Variants in FANCC observed in about 807,000 individuals in gnomAD.
FANCC encodes the protein Fanconi anemia group C protein.
FANCC carries 55 observed loss-of-function variants against 71.3 expected under a neutral mutation model. That is an observed-to-expected ratio of 0.77 (90% CI 0.62 to 0.97). The LOEUF (loss-of-function observed/expected upper bound fraction) is 0.97, where lower values mean the gene tolerates loss of function less well. Among genes scored for constraint, FANCC ranks in the 50% least tolerant of loss-of-function variants. The pLI is 0.00. For synonymous variants in FANCC, 275 were observed against 244.9 expected, an observed-to-expected ratio of 1.12 and a Z score of -1.15; for missense variants, 678 against 670.9, an observed-to-expected ratio of 1.01 and a Z score of -0.12.
chr9:95,226,348 G>A (rs1829613581), intron 4 of FANCC, among the ~76,000 whole-genome samples: 1 of 152,208 alleles, frequency 6.6e-6, no homozygotes, highest in Admixed American at 6.5e-5. Flanking sequence ...TAGACAGGGG[G>A]TGAAAAGGAA....
In FANCC at chr9:95,291,947, C is replaced by CAAA. The variant is rs775436297; in HGVS notation, c.-79+25576_-79+25578dup. Among the ~76,000 whole-genome samples the CAAA allele has an allele frequency of 2.6e-3, 106 of 40,826 alleles. 2 individuals carry two copies. Among genetic ancestry groups the CAAA allele is most frequent in the African/African-American group, 3.8e-3 (37 of 9,646 alleles). The allele number at this position is 40,826 out of a possible 152,430, so 26.8% of individuals were successfully genotyped here. A position where few individuals can be genotyped will look rare whatever the true frequency, so the allele number is the denominator to read the frequency against. The stretch of plus-strand genomic sequence containing the variant: ...TAGGTGAGAGAGTGAGACTCTGTCT[C>CAAA]AAAAAAAAAAAAAAAAAAAAATATA... On this transcript the variant is annotated intron_variant, in intron 1 of 14. Coordinates refer to ENST00000289081, the MANE Select transcript of FANCC (RefSeq NM_000136.3).
intron 1 of FANCC, among the ~76,000 whole-genome samples, chr9:95,297,663 A>G (rs1394708656): frequency 1.3e-5 from 2 of 152,258 alleles, no homozygotes; most frequent in East Asian, 3.8e-4. Context: ...AACACCAAGC[A>G]TAACTTCTAC....
chr9:95,102,716 C>T (rs1335889670), intron 14 of FANCC, among the ~76,000 whole-genome samples: 2 of 152,222 alleles, frequency 1.3e-5, no homozygotes, highest in South Asian at 2.1e-4. Flanking sequence ...GCCTCAGGTC[C>T]GACAGCCCAG....
intron 4 of FANCC, among the ~76,000 whole-genome samples, chr9:95,222,424 A>G (rs992342527): frequency 6.6e-6 from 1 of 152,194 alleles, no homozygotes; most frequent in Non-Finnish European, 1.5e-5. Flanking sequence ...ATGAAATTAT[A>G]GAAAAGAAAA....
chr9:95,232,194 C>T (rs4647448), intron 4 of FANCC, among the ~76,000 whole-genome samples: 206 of 152,236 alleles, frequency 1.4e-3, no homozygotes, highest in East Asian at 9.5e-3. Context: ...AACTAGACCT[C>T]GCAAGAACTA....
intron 8 of FANCC, among the ~76,000 whole-genome samples, chr9:95,133,621 G>A (rs1348144632): frequency 6.6e-6 from 1 of 152,230 alleles, no homozygotes; most frequent in South Asian, 2.1e-4. Flanking sequence ...AAGGTTCAGG[G>A]AAGAATCCAA....
At chr9:95,135,641 G>C in intron 7 of FANCC, 139 bp from the exon 8 acceptor site, 1 of 697,816 alleles carries the variant, frequency 1.4e-6, no homozygotes, top group Non-Finnish European at 2.5e-6. Flanking sequence ...ATAATTTATA[G>C]AATCAGTGAA....
chr9:95,219,431 C>T (rs1564764335), intron 4 of FANCC, among the ~76,000 whole-genome samples: 1 of 152,118 alleles, frequency 6.6e-6, no homozygotes, highest in Non-Finnish European at 1.5e-5. Flanking sequence ...TCTTTCCCCA[C>T]ATGGAGCCAG....
chr9:95,298,113 T>G (rs1374788579), intron 1 of FANCC, among the ~76,000 whole-genome samples: 2 of 152,038 alleles, frequency 1.3e-5, no homozygotes, highest in Non-Finnish European at 2.9e-5. Context: ...GAAGACCATC[T>G]TACAGTAACT....
intron 12 of FANCC, chr9:95,114,339 A>G (rs1246427282): frequency 4.7e-6 from 2 of 423,202 alleles, no homozygotes; most frequent in African/African-American, 2.0e-5. Flanking sequence ...TCTTCTTTTT[A>G]TTGTTATGCC....
chr9:95,211,568 T>C (rs955432232), intron 4 of FANCC, among the ~76,000 whole-genome samples: 86 of 152,288 alleles, frequency 5.6e-4, no homozygotes, highest in African/African-American at 1.9e-3. Flanking sequence ...TTGGAAAGGA[T>C]AGACCTAATC....
intron 6 of FANCC, among the ~76,000 whole-genome samples, chr9:95,152,212 ACTG>A (rs1413082277): frequency 6.6e-6 from 1 of 152,158 alleles, no homozygotes; most frequent in Non-Finnish European, 1.5e-5. Flanking sequence ...TTGATCCCCT[ACTG>A]TAGTCAAGGC....
chr9:95,311,837 A>G (rs2136424125), intron 1 of FANCC, among the ~76,000 whole-genome samples: 1 of 152,268 alleles, frequency 6.6e-6, no homozygotes, highest in East Asian at 1.9e-4. Flanking sequence ...TAAAATGTTT[A>G]TATCACACAT....
At position 95,228,656 on chromosome 9, in the gene FANCC, C is replaced by T. The variant is rs528253669; in HGVS notation, c.345+11993G>A. Among the ~76,000 whole-genome samples, 6 of 152,230 alleles carry T rather than the reference C, an allele frequency of 3.9e-5. No homozygotes were observed. In the South Asian group the frequency reaches 1.2e-3, roughly 32 times the overall value. ...GTCAGGAGCTGATGAGCACTAAGACCGCGTGCAAGCGAAGAGAGTGAGGGT... is the reference window on the plus strand; with the variant it reads ...GTCAGGAGCTGATGAGCACTAAGACTGCGTGCAAGCGAAGAGAGTGAGGGT... On this transcript the variant is annotated intron_variant, in intron 4 of 14. Coordinates refer to ENST00000289081, the MANE Select transcript of FANCC (RefSeq NM_000136.3).
chr9:95,261,341 G>A (rs1171672396), intron 1 of FANCC, among the ~76,000 whole-genome samples: 1 of 152,140 alleles, frequency 6.6e-6, no homozygotes, highest in African/African-American at 2.4e-5. Flanking sequence ...TGCTCCAAAT[G>A]TAAGTCCTTG....
Position 95,247,423 on chromosome 9 carries a change from G to T in FANCC, c.250+9C>A, listed in dbSNP as rs1831054662. The T allele has an allele frequency of 1.2e-6, 2 of 1,603,522 alleles. No individual in the cohort carries two copies. Among genetic ancestry groups the T allele is most frequent in the South Asian group, 1.1e-5 (1 of 90,842 alleles). ...AGCCATTTTGAGAGGACACGTTTTT[G>T]ATTCTTACCATATGCTAAAATAAAA... On this transcript the variant is annotated intron_variant, in intron 3 of 14. Transcript: ENST00000289081.
intron 1 of FANCC, among the ~76,000 whole-genome samples, chr9:95,256,499 T>C (rs1490643208): frequency 6.6e-6 from 1 of 152,128 alleles, no homozygotes; most frequent in Non-Finnish European, 1.5e-5. Context: ...AGAGATTCTG[T>C]CACCACCAGG....
chr9:95,123,591 C>A (rs566974788), intron 10 of FANCC: 1 of 586,446 alleles, frequency 1.7e-6, no homozygotes, highest in African/African-American at 1.9e-5. Flanking sequence ...ATTTGCGACA[C>A]GAACTGTGCC....
intron 9 of FANCC, 84 bp downstream of exon 9, chr9:95,126,445 A>G: frequency 7.7e-7 from 1 of 1,291,802 alleles, no homozygotes; most frequent in South Asian, 1.2e-5. Context: ...ATACAGCCAG[A>G]GACTACCACA....
Sources: allele counts gnomAD v4.1 joint callset (sites outside exome capture counted in the v4.1 genomes callset), GRCh38; gene constraint gnomAD v4.1.1; transcripts MANE v1.5; gene names NCBI Gene and HGNC (gene_info 2026-07-23, HGNC 2026-07-21).